Variants in ZNF362 observed in about 807,000 individuals in gnomAD.
ZNF362 encodes the protein zinc finger protein 362, also known as rotund homolog.
Under a neutral mutation model 42.9 loss-of-function variants are expected in ZNF362, and 11 were observed. The observed-to-expected ratio is 0.26, with a 90% CI of 0.16 to 0.42. The LOEUF (loss-of-function observed/expected upper bound fraction) is 0.42. ZNF362 is among the 20% of genes least tolerant of loss of function. The pLI is 1.00. For missense variants in ZNF362, 362 were observed against 576.2 expected, an observed-to-expected ratio of 0.63 and a Z score of 3.81; for synonymous variants, 255 against 257.3, an observed-to-expected ratio of 0.99 and a Z score of 0.09.
the ZNF362 span, among the ~76,000 whole-genome samples, chr1:33,144,395 C>A: frequency 6.6e-6 from 1 of 152,222 alleles, no homozygotes; most frequent in African/African-American, 2.4e-5. Context: ...GCCTTGGCCT[C>A]CCAAAGTGTT....
chr1:33,133,469 A>T, the ZNF362 span, among the ~76,000 whole-genome samples: 1 of 152,160 alleles, frequency 6.6e-6, no homozygotes, highest in African/African-American at 2.4e-5. Flanking sequence ...TGGGCCCCTC[A>T]TGGGGATGGT....
chr1:33,190,938 C>G, the ZNF362 span, among the ~76,000 whole-genome samples: 1 of 152,210 alleles, frequency 6.6e-6, no homozygotes, highest in African/African-American at 2.4e-5. Flanking sequence ...AGCATCTTTC[C>G]TTAGCAGCAG....
At chr1:33,251,323 A>G in the ZNF362 span, among the ~76,000 whole-genome samples, 4 of 152,188 alleles carry the variant, frequency 2.6e-5, no homozygotes, top group Non-Finnish European at 5.9e-5. Flanking sequence ...CACATCTATC[A>G]GTCACCAAGT....
At chr1:33,211,033 A>G in the ZNF362 span, among the ~76,000 whole-genome samples, 1 of 151,536 alleles carries the variant, frequency 6.6e-6, no homozygotes, top group African/African-American at 2.4e-5. Flanking sequence ...TCCTAGGTTC[A>G]CACCATTCTC....
At chr1:33,165,521 C>A in the ZNF362 span, 1 of 1,610,904 alleles carries the variant, frequency 6.2e-7, no homozygotes, top group Non-Finnish European at 8.5e-7. The surrounding 1 kb of genome is among the most constrained non-coding windows in gnomAD (Gnocchi z 4.0). Context: ...TCGGTGTGTT[C>A]CCGCTCGCTG....
the ZNF362 span, among the ~76,000 whole-genome samples, chr1:33,210,072 A>G: frequency 5.9e-5 from 9 of 152,302 alleles, no homozygotes; most frequent in East Asian, 1.9e-4. Flanking sequence ...TTAGTGCTAT[A>G]AAGTTCCCTC....
the ZNF362 span, among the ~76,000 whole-genome samples, chr1:33,199,102 AG>A: frequency 6.6e-6 from 1 of 152,198 alleles, no homozygotes; most frequent in South Asian, 2.1e-4. Flanking sequence ...AGGGAAGAAA[AG>A]AAAAAAATTG....
chr1:33,158,605 G>T, the ZNF362 span, among the ~76,000 whole-genome samples: 4 of 152,174 alleles, frequency 2.6e-5, no homozygotes, highest in Admixed American at 6.5e-5. Context: ...CTTTTTGTGA[G>T]AATTACATGG....
chr1:33,159,130 C>T, the ZNF362 span, among the ~76,000 whole-genome samples: 1 of 152,026 alleles, frequency 6.6e-6, no homozygotes, highest in Admixed American at 6.6e-5. The surrounding 1 kb of genome is among the most constrained non-coding windows in gnomAD (Gnocchi z 4.2). Context: ...CAGGTGTGAG[C>T]CACCGTGCCC....
chr1:33,154,609 C>A, the ZNF362 span, among the ~76,000 whole-genome samples: 279 of 151,530 alleles, frequency 1.8e-3, no homozygotes, highest in Middle Eastern at 0.01. Context: ...ACCACCCTGG[C>A]CAACATGGTG....
chr1:33,169,805 G>A, the ZNF362 span, among the ~76,000 whole-genome samples: 1 of 152,238 alleles, frequency 6.6e-6, no homozygotes, highest in African/African-American at 2.4e-5. Flanking sequence ...GTATCAGACA[G>A]TGCAGACACA....
the ZNF362 span, among the ~76,000 whole-genome samples, chr1:33,210,936 A>AT: frequency 0.012 from 1,713 of 139,934 alleles, 33 homozygotes; most frequent in African/African-American, 0.038. Flanking sequence ...TTTAAGGTTA[A>AT]TTTTTTTTTT....
chr1:33,154,275 C>G, the ZNF362 span, among the ~76,000 whole-genome samples: 1 of 151,480 alleles, frequency 6.6e-6, no homozygotes, highest in African/African-American at 2.4e-5. Context: ...CCGATTCCCT[C>G]CCCAGTCACT....
At chr1:33,189,505 A>G in the ZNF362 span, among the ~76,000 whole-genome samples, 1 of 151,094 alleles carries the variant, frequency 6.6e-6, no homozygotes, top group Middle Eastern at 3.4e-3. Flanking sequence ...GATCCCCCAT[A>G]TATATATATT....
At chr1:33,170,321 TA>T in the ZNF362 span, among the ~76,000 whole-genome samples, 143,998 of 146,788 alleles carry the variant, frequency 0.98, 70,645 homozygotes, top group South Asian at 1. Flanking sequence ...CCAGTCTCTT[TA>T]AAAAAAAAAA....
At chr1:33,129,495 C>T in the ZNF362 span, among the ~76,000 whole-genome samples, 1 of 152,130 alleles carries the variant, frequency 6.6e-6, no homozygotes, top group Non-Finnish European at 1.5e-5. The surrounding 1 kb of genome is among the most constrained non-coding windows in gnomAD (Gnocchi z 4.1). Flanking sequence ...AAAATTCTGC[C>T]CCAAAGTGAG....
At chr1:33,206,250 T>C in the ZNF362 span, among the ~76,000 whole-genome samples, 5 of 152,088 alleles carry the variant, frequency 3.3e-5, no homozygotes, top group Non-Finnish European at 7.4e-5. Flanking sequence ...ATTTTAGATC[T>C]TTCCTGCTTA....
At chr1:33,243,257 A>G in the ZNF362 span, among the ~76,000 whole-genome samples, 2 of 151,418 alleles carry the variant, frequency 1.3e-5, no homozygotes, top group African/African-American at 2.4e-5. Context: ...CCTGGGTTCA[A>G]GTGATTCTCC....
chr1:33,265,450 T>A (rs2148070737), intron 1 of ZNF362, among the ~76,000 whole-genome samples: 1 of 152,034 alleles, frequency 6.6e-6, no homozygotes, highest in East Asian at 1.9e-4. Context: ...CCCAGCCCCG[T>A]GGGGCTGCGG....
Sources: allele counts gnomAD v4.1 joint callset (sites outside exome capture counted in the v4.1 genomes callset), GRCh38; gene constraint gnomAD v4.1.1; non-coding constraint Gnocchi (gnomAD v3.1); transcripts MANE v1.5; gene names NCBI Gene and HGNC (gene_info 2026-07-23, HGNC 2026-07-21).